The following UXS1 variants were observed in gnomAD, a reference collection of about 807,000 sequenced individuals.
UXS1 encodes the protein UDP-glucuronate decarboxylase 1.
UXS1 carries 33 observed loss-of-function variants against 62.6 expected under a neutral mutation model. The observed-to-expected ratio is 0.53, with a 90% confidence interval of 0.40 to 0.70. UXS1 has a LOEUF of 0.70. Ranked by LOEUF, UXS1 falls within the 30% of genes least tolerant of loss-of-function variation. The pLI is 0.00. For missense variants in UXS1, 434 were observed against 556.3 expected (o/e 0.78, Z 2.21); for synonymous variants, 213 against 206.8 (o/e 1.03, Z -0.26).
At chr2:106,125,562 A>G (rs1353547745) in intron 8 of UXS1, 58 bp downstream of exon 8, 2 of 1,464,722 alleles carry the variant, frequency 1.4e-6, no homozygotes, top group Non-Finnish European at 1.8e-6. Context: ...CTTCTGAGAC[A>G]GGATGAAAAC....
intron 6 of UXS1, among the ~76,000 whole-genome samples, chr2:106,143,717 G>C (rs1325424315): frequency 6.6e-6 from 1 of 152,132 alleles, no homozygotes; most frequent in African/African-American, 2.4e-5. Context: ...CTGCAGGACT[G>C]AGGTCTCCTT....
At position 106,194,221 on chromosome 2, in the gene UXS1, C is replaced by T. The variant is rs1314401128; in HGVS notation, c.21G>A (p.Leu7=). The T allele has an allele frequency of 8.2e-6, 12 of 1,460,490 alleles. No individual in the cohort carries two copies. The East Asian group carries it at 3.7e-4, about 45-fold the overall frequency. 90.5% of individuals were successfully genotyped at this position (1,460,490 alleles called of 1,614,324 possible). The change falls in exon 1 of 15, where the codon CTG becomes CTA. Residue 7 remains leucine, a synonymous_variant. Transcript: ENST00000283148. MVSKAL[L]RLVSAVNRRR... is the part of the protein sequence containing the mutation. ...TGCGGTTGACGGCAGACACGAGGCG[C>T]AGCAGCGCCTTGCTCACCATCCCCG...
intron 9 of UXS1, among the ~76,000 whole-genome samples, chr2:106,117,453 T>C (rs993551272): frequency 6.6e-6 from 1 of 152,242 alleles, no homozygotes; most frequent in African/African-American, 2.4e-5. Flanking sequence ...TATGTCCTTC[T>C]GCTTAAAGTA....
intron 5 of UXS1, among the ~76,000 whole-genome samples, chr2:106,152,054 G>T (rs1274622735): frequency 2.6e-5 from 4 of 152,210 alleles, no homozygotes; most frequent in Non-Finnish European, 5.9e-5. Flanking sequence ...TTGTAGAATT[G>T]CAGTGTAAAG....
rs141682232 is a variant in UXS1 at position 106,100,759 on chromosome 2, C to G, written c.984+299G>C. 3.8e-3 allele frequency: 1,288 copies of G among 338,574 alleles called. 4 individuals are homozygous for G. The highest frequency in any genetic ancestry group is 5.4e-3 in the Non-Finnish European group (1,002 of 186,352). The allele number at this position is 338,574 out of a possible 1,614,324, so 21.0% of individuals were successfully genotyped here. On this transcript the variant is annotated intron_variant, in intron 12 of 14. Coordinates refer to ENST00000283148, the MANE Select transcript of UXS1 (RefSeq NM_001253875.2). The stretch of plus-strand genomic sequence containing the variant: ...GATGACCCGCCTGTTAAATAGAGAA[C>G]GAGATGCACACACACGTCCACCTAC...
intron 10 of UXS1, among the ~76,000 whole-genome samples, chr2:106,109,870 C>T (rs1229615384): frequency 6.6e-6 from 1 of 152,214 alleles, no homozygotes; most frequent in African/African-American, 2.4e-5. Context: ...TGAGCTGTTT[C>T]TGGCCACCCT....
At chr2:106,182,764 G>A (rs1172057572) in intron 1 of UXS1, among the ~76,000 whole-genome samples, 1 of 151,098 alleles carries the variant, frequency 6.6e-6, no homozygotes. Context: ...CAGGATAGTT[G>A]GGTGCTGCTT....
intron 9 of UXS1, among the ~76,000 whole-genome samples, chr2:106,118,088 G>A (rs1011128909): frequency 6.6e-6 from 1 of 152,242 alleles, no homozygotes; most frequent in African/African-American, 2.4e-5. Context: ...GGACACCTGG[G>A]ATGTGGCCAG....
intron 4 of UXS1, chr2:106,160,195 G>A (rs1682782539): frequency 1.3e-5 from 2 of 152,194 alleles, no homozygotes; most frequent in African/African-American, 4.8e-5. Context: ...CTCAGCTAGG[G>A]GACGGCACTG....
Position 106,094,170 on chromosome 2 carries a change from A to G in UXS1, c.1147-13T>C. 1 of 1,604,456 alleles carries G rather than the reference A, an allele frequency of 6.2e-7. No homozygotes were observed. The highest frequency in any genetic ancestry group is 8.5e-7 in the Non-Finnish European group (1 of 1,177,484). ...CCTCCAGCGGGACCTGTTTAAAGGG[A>G]AAGCAAGAAAGGGAGACAAGGTCAC... On this transcript the variant is annotated splice_polypyrimidine_tract_variant and intron_variant, in intron 14 of 14. Coordinates refer to ENST00000283148, the MANE Select transcript of UXS1 (RefSeq NM_001253875.2).
At chr2:106,111,951 G>T (rs924723727) in intron 10 of UXS1, among the ~76,000 whole-genome samples, 1 of 152,182 alleles carries the variant, frequency 6.6e-6, no homozygotes, top group Non-Finnish European at 1.5e-5. Context: ...GGGGTGGGAG[G>T]GAGGATTAGC....
chr2:106,185,800 G>C (rs1015420402), intron 1 of UXS1, among the ~76,000 whole-genome samples: 5 of 152,218 alleles, frequency 3.3e-5, no homozygotes, highest in African/African-American at 9.7e-5. Flanking sequence ...AGATTTAGCA[G>C]ACAGAAAAGG....
intron 12 of UXS1, among the ~76,000 whole-genome samples, chr2:106,099,753 T>C (rs1240786119): frequency 6.6e-6 from 1 of 152,164 alleles, no homozygotes; most frequent in African/African-American, 2.4e-5. Flanking sequence ...GCCTCGGGCC[T>C]CTCCAGTGTA....
chr2:106,112,794 G>A (rs1678726815), intron 9 of UXS1, 29 bp from the exon 10 acceptor site: 6 of 1,607,142 alleles, frequency 3.7e-6, no homozygotes, highest in African/African-American at 2.7e-5. Flanking sequence ...GAGGTCAGGT[G>A]TGCTCCCCTG....
chr2:106,164,916 A>G, intron 2 of UXS1, 117 bp from the exon 3 acceptor site: 4 of 698,514 alleles, frequency 5.7e-6, no homozygotes, highest in Non-Finnish European at 9.3e-6. Context: ...AGTATCAGTC[A>G]TGTGTACAAT....
intron 5 of UXS1, among the ~76,000 whole-genome samples, chr2:106,153,903 T>C (rs752034724): frequency 1.3e-5 from 2 of 152,150 alleles, no homozygotes; most frequent in African/African-American, 2.4e-5. Flanking sequence ...TAGAAACAAA[T>C]TGAATTCTGG....
In UXS1 at chr2:106,096,108, T is replaced by C. The variant is rs541545734; in HGVS notation, c.1146+610A>G. ...CCCTGACCTGGCCCCGCACACTCAA[T>C]AGGCAGGCAACTGGGGCTACGCAGG... On this transcript the variant is annotated intron_variant, in intron 14 of 14. Coordinates refer to ENST00000283148, the MANE Select transcript of UXS1 (RefSeq NM_001253875.2). Among the ~76,000 whole-genome samples, 4 of 152,208 alleles carry C rather than the reference T, an allele frequency of 2.6e-5. 1 individual carries two copies. Among genetic ancestry groups the C allele is most frequent in the African/African-American group, 7.2e-5 (3 of 41,530 alleles).
chr2:106,182,246 A>C (rs1684292757), intron 1 of UXS1, among the ~76,000 whole-genome samples: 1 of 152,242 alleles, frequency 6.6e-6, no homozygotes, highest in South Asian at 2.1e-4. Flanking sequence ...GCTGAAGAGC[A>C]AAAAAAGCAA....
intron 6 of UXS1, among the ~76,000 whole-genome samples, chr2:106,140,053 T>C (rs1453014807): frequency 6.6e-6 from 1 of 152,170 alleles, no homozygotes; most frequent in East Asian, 1.9e-4. Flanking sequence ...ATGAAGAAGA[T>C]ACAGAACTTC....
Sources: allele counts gnomAD v4.1 joint callset (sites outside exome capture counted in the v4.1 genomes callset), GRCh38; gene constraint gnomAD v4.1.1; transcripts MANE v1.5; gene names NCBI Gene and HGNC (gene_info 2026-07-23, HGNC 2026-07-21).